Variants in SCAPER observed in about 807,000 individuals in gnomAD.
The protein encoded by SCAPER is S-phase cyclin A associated protein in the ER, also known as S phase cyclin A-associated protein in the endoplasmic reticulum.
A neutral mutation model predicts 182.2 loss-of-function variants in SCAPER; 98 were observed. The observed-to-expected ratio is 0.54, with a 90% CI of 0.46 to 0.64. SCAPER has a LOEUF of 0.64. SCAPER is among the 30% of genes least tolerant of loss of function. SCAPER has a pLI of 0.00. For missense variants in SCAPER, 1,432 were observed against 1,690.0 expected (o/e 0.85, Z 2.68); for synonymous variants, 605 against 564.6 (o/e 1.07, Z -1.01).
chr15:76,403,315 GCT>G (rs1288427015), intron 27 of SCAPER, among the ~76,000 whole-genome samples: 5 of 152,200 alleles, frequency 3.3e-5, no homozygotes, highest in Admixed American at 3.3e-4. Flanking sequence ...CACTTCCTGA[GCT>G]CTCACTGAAG....
intron 23 of SCAPER, among the ~76,000 whole-genome samples, chr15:76,543,005 C>T (rs1165697405): frequency 1.3e-5 from 2 of 152,030 alleles, no homozygotes; most frequent in African/African-American, 4.8e-5. Flanking sequence ...ACCCCAAACT[C>T]AGTACATTTT....
At chr15:76,814,983 T>C (rs1360010013) in intron 5 of SCAPER, among the ~76,000 whole-genome samples, 1 of 151,234 alleles carries the variant, frequency 6.6e-6, no homozygotes, top group African/African-American at 2.4e-5. Flanking sequence ...AAAGAAAACA[T>C]AAAAATGGCT....
intron 23 of SCAPER, among the ~76,000 whole-genome samples, chr15:76,515,630 A>G (rs533328124): frequency 1.3e-5 from 2 of 152,110 alleles, no homozygotes; most frequent in South Asian, 2.1e-4. Flanking sequence ...GGCAATTTCT[A>G]TTTTCTCTCC....
intron 15 of SCAPER, 75 bp downstream of exon 15, chr15:76,753,733 T>A: frequency 1.4e-6 from 2 of 1,464,364 alleles, no homozygotes; most frequent in Non-Finnish European, 1.9e-6. Flanking sequence ...AAACATTATC[T>A]TCTATTACTA....
chr15:76,373,896 A>AT (rs796315925), intron 29 of SCAPER, among the ~76,000 whole-genome samples: 3,979 of 142,010 alleles, frequency 0.028, 164 homozygotes, highest in African/African-American at 0.097. Flanking sequence ...GGCCTGCCTT[A>AT]TTTTTTTTTT....
intron 14 of SCAPER, among the ~76,000 whole-genome samples, chr15:76,761,288 T>A (rs887314457): frequency 1.8e-4 from 27 of 152,256 alleles, no homozygotes; most frequent in South Asian, 6.2e-4. Flanking sequence ...AACCACCGTT[T>A]TGTTGATTTT....
At chr15:76,651,629 CAA>C (rs552478551) in intron 21 of SCAPER, among the ~76,000 whole-genome samples, 5 of 94,660 alleles carry the variant, frequency 5.3e-5, no homozygotes, top group East Asian at 3.0e-4. Flanking sequence ...ACCTACCAAC[CAA>C]AAAAAAAAAA....
At chr15:76,902,631 C>T (rs375149638) in intron 1 of SCAPER, among the ~76,000 whole-genome samples, 28 of 152,310 alleles carry the variant, frequency 1.8e-4, no homozygotes, top group African/African-American at 6.7e-4. Flanking sequence ...TCAGATTGTA[C>T]CCTTACAGAG....
At chr15:76,397,852 A>C (rs1209797841) in intron 27 of SCAPER, among the ~76,000 whole-genome samples, 1 of 152,106 alleles carries the variant, frequency 6.6e-6, no homozygotes, top group Non-Finnish European at 1.5e-5. Context: ...TCATGTTTGA[A>C]TCTTGGTAGG....
chr15:76,783,501 G>T (rs941193714), intron 8 of SCAPER, among the ~76,000 whole-genome samples: 5 of 151,698 alleles, frequency 3.3e-5, no homozygotes, highest in African/African-American at 1.2e-4. Flanking sequence ...CCAATCAATA[G>T]AAAAAAAGGG....
intron 23 of SCAPER, among the ~76,000 whole-genome samples, chr15:76,556,299 C>G (rs947801470): frequency 6.6e-6 from 1 of 151,954 alleles, no homozygotes; most frequent in Non-Finnish European, 1.5e-5. Context: ...TAGCGTTAAC[C>G]TACCACCACA....
intron 16 of SCAPER, among the ~76,000 whole-genome samples, chr15:76,732,837 T>C (rs758356628): frequency 1.6e-4 from 24 of 152,188 alleles, no homozygotes; most frequent in Non-Finnish European, 3.1e-4. Flanking sequence ...TAAAAGTCTC[T>C]GATATGCAGA....
intron 23 of SCAPER, among the ~76,000 whole-genome samples, chr15:76,524,701 T>G (rs2043067700): frequency 6.9e-6 from 1 of 145,136 alleles, no homozygotes; most frequent in Non-Finnish European, 1.5e-5. Flanking sequence ...TTTTTTTTTT[T>G]TTTTTTTTTT....
intron 21 of SCAPER, among the ~76,000 whole-genome samples, chr15:76,643,431 C>T (rs2054262538): frequency 6.6e-6 from 1 of 152,116 alleles, no homozygotes; most frequent in African/African-American, 2.4e-5. Flanking sequence ...CCTGTAATCC[C>T]AGCACTTTAG....
chr15:76,660,986 T>C (rs1248002541), intron 21 of SCAPER, among the ~76,000 whole-genome samples: 2 of 152,064 alleles, frequency 1.3e-5, no homozygotes, highest in Non-Finnish European at 2.9e-5. Flanking sequence ...TGTGTAACAC[T>C]TATACACTAA....
chr15:76,592,102 TTATA>T (rs1393640686), intron 22 of SCAPER, among the ~76,000 whole-genome samples: 4 of 150,936 alleles, frequency 2.7e-5, no homozygotes, highest in Non-Finnish European at 5.9e-5. Flanking sequence ...TACCTACAGA[TTATA>T]TATATAATAT....
At chr15:76,452,307 T>C (rs544478026) in intron 25 of SCAPER, among the ~76,000 whole-genome samples, 1 of 152,322 alleles carries the variant, frequency 6.6e-6, no homozygotes, top group East Asian at 1.9e-4. Context: ...AGTAGTCTTT[T>C]CCCTGCAGCT....
At chr15:76,422,814 G>A (rs2046142237) in intron 26 of SCAPER, among the ~76,000 whole-genome samples, 1 of 152,156 alleles carries the variant, frequency 6.6e-6, no homozygotes, top group African/African-American at 2.4e-5. Context: ...AATTTATTGA[G>A]AGTTTTTAGC....
intron 15 of SCAPER, among the ~76,000 whole-genome samples, chr15:76,749,253 G>C (rs1357529759): frequency 6.6e-6 from 1 of 151,638 alleles, no homozygotes; most frequent in Non-Finnish European, 1.5e-5. Flanking sequence ...AAATTTAATG[G>C]TATCTTAATT....
Sources: allele counts gnomAD v4.1 joint callset (sites outside exome capture counted in the v4.1 genomes callset), GRCh38; gene constraint gnomAD v4.1.1; transcripts MANE v1.5; gene names NCBI Gene and HGNC (gene_info 2026-07-23, HGNC 2026-07-21).